The following RAB11FIP4 variants were observed in gnomAD, a reference collection of about 807,000 sequenced individuals.
RAB11FIP4 encodes RAB11 family interacting protein 4.
RAB11FIP4 carries 23 observed loss-of-function variants against 74.3 expected under a neutral mutation model. The ratio of observed to expected loss-of-function variants is 0.31; its 90% confidence interval spans 0.22 to 0.44. The LOEUF (loss-of-function observed/expected upper bound fraction) is 0.44, where lower values mean the gene tolerates loss of function less well. RAB11FIP4 is among the 20% of genes least tolerant of loss of function. The probability of loss-of-function intolerance (pLI) is 1.00; values close to 1 mark genes in which losing one functional copy is unlikely to be tolerated. For missense variants in RAB11FIP4, 630 were observed against 863.9 expected (o/e 0.73, Z 3.39); for synonymous variants, 360 against 359.9 (o/e 1.00, Z 0.00).
At chr17:31,505,597 T>A (rs1299817576) in intron 3 of RAB11FIP4, among the ~76,000 whole-genome samples, 9 of 66,114 alleles carry the variant, frequency 1.4e-4, no homozygotes, top group Admixed American at 2.8e-4. Context: ...AATTATATAT[T>A]ATATAATAAT....
intron 6 of RAB11FIP4, 127 bp downstream of exon 6, chr17:31,522,176 G>A: frequency 7.4e-7 from 1 of 1,360,126 alleles, no homozygotes. Context: ...GAGGAGGGTT[G>A]ATCCAGGGGC....
At chr17:31,440,532 G>A (rs2071398090) in intron 3 of RAB11FIP4, among the ~76,000 whole-genome samples, 1 of 152,208 alleles carries the variant, frequency 6.6e-6, no homozygotes, top group Non-Finnish European at 1.5e-5. Context: ...ACTTTGGGAG[G>A]CCAAGGCAGG....
At chr17:31,489,965 C>T (rs934086933) in intron 3 of RAB11FIP4, among the ~76,000 whole-genome samples, 1 of 152,102 alleles carries the variant, frequency 6.6e-6, no homozygotes, top group Non-Finnish European at 1.5e-5. Context: ...TGACCTTTGC[C>T]CTAAGGGAGG....
In RAB11FIP4 at chr17:31,528,708, C is replaced by T. The variant is rs371097319; in HGVS notation, c.1583C>T (p.Ser528Phe). 33 of 1,612,158 alleles carry T rather than the reference C, an allele frequency of 2.0e-5. No homozygotes were observed. The highest frequency in any genetic ancestry group is 2.5e-5 in the Non-Finnish European group (30 of 1,179,622). ...ERPGRGRSAS[S>F]GLGEFNARAR... ...CCAGGCAGGGGCCGCAGTGCCTCCT[C>T]TGGCCTAGGCGAGTTCAATGCCAGG... The change falls in exon 13 of 15, where the codon TCT becomes TTT. Residue 528 changes from serine to phenylalanine, a missense_variant. By Grantham distance (155) the Ser-to-Phe change is radical. Transcript: ENST00000621161.
At chr17:31,521,060 A>C in intron 4 of RAB11FIP4, 106 bp from the exon 5 acceptor site, 1 of 856,278 alleles carries the variant, frequency 1.2e-6, no homozygotes, top group Non-Finnish European at 1.8e-6. Context: ...CTACAAACTT[A>C]ATCGGTAGTG....
chr17:31,419,541 G>A (rs986686408), intron 1 of RAB11FIP4, among the ~76,000 whole-genome samples: 7 of 148,568 alleles, frequency 4.7e-5, no homozygotes, highest in African/African-American at 1.7e-4. Context: ...TTGGTTTGTA[G>A]TTTTCTTTTT....
At chr17:31,524,683 T>TA (rs1295266022) in intron 9 of RAB11FIP4, 3 of 239,544 alleles carry the variant, frequency 1.3e-5, no homozygotes, top group African/African-American at 7.0e-5. Context: ...GGGGCAGACT[T>TA]CAGGCCACCA....
At chr17:31,522,548 G>A in intron 7 of RAB11FIP4, 153 bp downstream of exon 7, 1 of 685,086 alleles carries the variant, frequency 1.5e-6, no homozygotes. Context: ...TGCAGCCAGG[G>A]CAGCGTCACT....
intron 2 of RAB11FIP4, among the ~76,000 whole-genome samples, chr17:31,432,405 C>T (rs1330966965): frequency 6.6e-6 from 1 of 150,688 alleles, no homozygotes; most frequent in Non-Finnish European, 1.5e-5. Context: ...GCCCAGGCTA[C>T]TGGAGTGCAG....
intron 3 of RAB11FIP4, among the ~76,000 whole-genome samples, chr17:31,498,974 C>T (rs550030699): frequency 1.3e-5 from 2 of 152,328 alleles, no homozygotes; most frequent in South Asian, 4.1e-4. Context: ...AAAGCCACAT[C>T]TTGAAAAGCT....
intron 3 of RAB11FIP4, chr17:31,509,191 A>G (rs1476494565): frequency 6.6e-6 from 1 of 152,432 alleles, no homozygotes; most frequent in East Asian, 1.9e-4. Context: ...AGCACAGGAA[A>G]CGTGGTGAAA....
chr17:31,397,820 G>A (rs1307929297), intron 1 of RAB11FIP4, among the ~76,000 whole-genome samples: 3 of 151,912 alleles, frequency 2.0e-5, no homozygotes, highest in Non-Finnish European at 1.5e-5. Context: ...CTGGGAGGAG[G>A]CCAGATGCAG....
At chr17:31,493,072 C>T (rs1414606075) in intron 3 of RAB11FIP4, among the ~76,000 whole-genome samples, 1 of 151,968 alleles carries the variant, frequency 6.6e-6, no homozygotes, top group Non-Finnish European at 1.5e-5. Flanking sequence ...ACCTCCAGCC[C>T]AGAACCGCCC....
At chr17:31,495,059 A>C (rs1030630591) in intron 3 of RAB11FIP4, among the ~76,000 whole-genome samples, 1 of 152,048 alleles carries the variant, frequency 6.6e-6, no homozygotes, top group African/African-American at 2.4e-5. Context: ...CTGTCCATCC[A>C]CCTGTGCCTA....
At chr17:31,509,873 T>G (rs1048590205) in intron 3 of RAB11FIP4, among the ~76,000 whole-genome samples, 2 of 152,146 alleles carry the variant, frequency 1.3e-5, no homozygotes, top group African/African-American at 4.8e-5. Flanking sequence ...AGGCACTGCC[T>G]CTGGGTGGAT....
At position 31,512,744 on chromosome 17, in the gene RAB11FIP4, CACAGCCTTT is replaced by C; in HGVS notation, c.337-4906_337-4898del. Among the ~76,000 whole-genome samples the C allele has an allele frequency of 1.3e-5, 2 of 152,184 alleles. No homozygotes were observed. Among genetic ancestry groups the C allele is most frequent in the Non-Finnish European group, 2.9e-5 (2 of 68,036 alleles). On this transcript the variant is annotated intron_variant, in intron 3 of 14. Coordinates refer to ENST00000621161, the MANE Select transcript of RAB11FIP4 (RefSeq NM_032932.6). The surrounding 1 kb of genome is among the most constrained non-coding windows in gnomAD (Gnocchi z 4.1). ...CCCCAAAGGCCCCCAAAAGAGCAGACACAGCCTTTCTGTGCAAACCCTGGGAACACCAGG... is the reference window on the plus strand; with the variant it reads ...CCCCAAAGGCCCCCAAAAGAGCAGACCTGTGCAAACCCTGGGAACACCAGG...
chr17:31,505,074 T>G (rs976225202), intron 3 of RAB11FIP4, among the ~76,000 whole-genome samples: 1 of 152,108 alleles, frequency 6.6e-6, no homozygotes, highest in Admixed American at 6.6e-5. Flanking sequence ...GGTGATGCTG[T>G]GTACCTCTTA....
rs774845408 is a variant in RAB11FIP4 at position 31,528,430 on chromosome 17, C to T, written c.1381C>T (p.Leu461=). 4.4e-5 allele frequency: 71 copies of T among 1,613,040 alleles called. No individual in the cohort carries two copies. Among genetic ancestry groups the T allele is most frequent in the Non-Finnish European group, 1.7e-6 (2 of 1,180,050 alleles). The change falls in exon 12 of 15, where the codon CTG becomes TTG. Residue 461 remains leucine, a synonymous_variant. Coordinates refer to ENST00000621161, the MANE Select transcript of RAB11FIP4 (RefSeq NM_032932.6). ...GGAGCGGCAGCGCATGTCTGACCGT[C>T]TGGAGGACACCAGCCTGCGGCTCAA... is the stretch of plus-strand genomic sequence containing the variant. ...DEERQRMSDR[L]EDTSLRLKDE...
chr17:31,474,871 AAAACAAAAAAC>A (rs1468703905), intron 3 of RAB11FIP4, among the ~76,000 whole-genome samples: 14 of 114,788 alleles, frequency 1.2e-4, no homozygotes, highest in African/African-American at 4.7e-4. Flanking sequence ...AAAACAAAAC[AAAACAAAAAAC>A]AAAAAAAAAA....
Sources: allele counts gnomAD v4.1 joint callset (sites outside exome capture counted in the v4.1 genomes callset), GRCh38; gene constraint gnomAD v4.1.1; non-coding constraint Gnocchi (gnomAD v3.1); transcripts MANE v1.5; gene names NCBI Gene and HGNC (gene_info 2026-07-23, HGNC 2026-07-21).